The following PIP4P2 variants were observed in gnomAD, a reference collection of about 807,000 sequenced individuals.
The protein encoded by PIP4P2 is phosphatidylinositol-4,5-bisphosphate 4-phosphatase 2.
Under a neutral mutation model 33.3 loss-of-function variants are expected in PIP4P2, and 19 were observed. The ratio of observed to expected loss-of-function variants is 0.57; its 90% CI spans 0.40 to 0.84. The LOEUF is 0.84. Among genes scored for constraint, PIP4P2 ranks in the 40% least tolerant of loss-of-function variants. The pLI, the probability that PIP4P2 is intolerant of heterozygous loss-of-function variation, is 0.00. For missense variants in PIP4P2, 270 were observed against 324.7 expected (o/e 0.83, Z 1.29); for synonymous variants, 110 against 111.9 (o/e 0.98, Z 0.11).
chr8:91,020,162 G>A lies in PIP4P2; in HGVS notation c.357C>T (p.Pro119=). The A allele has an allele frequency of 6.2e-7, 1 of 1,613,150 alleles. No homozygotes were observed. Residue 119 remains proline, a synonymous_variant, in exon 3 of 7, where the codon CCC becomes CCT. Coordinates refer to ENST00000285419, the MANE Select transcript of PIP4P2 (RefSeq NM_018710.3). ...AATTAATCTTTATCTCTTACCAGTT[G>A]GGTCTTGGGCATCCTATTCGCCGAG... is the stretch of plus-strand genomic sequence containing the variant. The part of the protein sequence containing the change: ...DTSRRIGCPR[P]NCRRIINLGP...
At chr8:90,997,090 T>G (rs1811638603) in intron 5 of PIP4P2, among the ~76,000 whole-genome samples, 1 of 152,144 alleles carries the variant, frequency 6.6e-6, no homozygotes, top group South Asian at 2.1e-4. Flanking sequence ...AAATAGCATT[T>G]GATTTTTTTA....
At chr8:91,006,766 C>T (rs923905627) in intron 5 of PIP4P2, among the ~76,000 whole-genome samples, 9 of 152,028 alleles carry the variant, frequency 5.9e-5, no homozygotes, top group African/African-American at 1.7e-4. Context: ...GTCAGGAGTT[C>T]GAGACCAGCC....
chr8:91,024,264 C>A, intron 1 of PIP4P2: 1 of 417,554 alleles, frequency 2.4e-6, no homozygotes, highest in Non-Finnish European at 4.8e-6. Context: ...GTACTTTTGG[C>A]CTTTCCCTTT....
intron 5 of PIP4P2, among the ~76,000 whole-genome samples, chr8:91,003,019 G>C (rs1563561608): frequency 6.6e-6 from 1 of 152,178 alleles, no homozygotes; most frequent in Non-Finnish European, 1.5e-5. Context: ...TGGGCTGATA[G>C]TAAACCATAT....
Position 90,995,682 on chromosome 8 carries a change from CA to C in PIP4P2, c.768del (p.Phe256LeufsTer20). Reference protein sequence around the residue: ...AIRVSYPEHSFA With the variant: ...AIRVSYPEHSXA ...TTACTGAATCATAAACAAGCTTATG[CA>C]AAACTGTGTTCTGGATAACTGACTC... On this transcript the variant is annotated frameshift_variant, in exon 7 of 7. Coordinates refer to ENST00000285419, the MANE Select transcript of PIP4P2 (RefSeq NM_018710.3). LOFTEE classifies it high-confidence loss of function. 2 of 1,610,390 alleles carry C rather than the reference CA, an allele frequency of 1.2e-6. No homozygotes were observed. The highest frequency in any genetic ancestry group is 1.7e-6 in the Non-Finnish European group (2 of 1,178,562).
intron 1 of PIP4P2, among the ~76,000 whole-genome samples, chr8:91,025,261 C>T (rs1812067704): frequency 6.6e-6 from 1 of 152,020 alleles, no homozygotes; most frequent in Admixed American, 6.6e-5. Flanking sequence ...AAAACGGACT[C>T]ATAAAAGGGA....
chr8:91,036,194 G>A (rs1241790925), intron 1 of PIP4P2, among the ~76,000 whole-genome samples: 3 of 151,662 alleles, frequency 2.0e-5, no homozygotes, highest in Admixed American at 6.6e-5. Flanking sequence ...TATATATTCA[G>A]CCCAGGCCCC....
At chr8:91,003,376 G>A (rs947443663) in intron 5 of PIP4P2, among the ~76,000 whole-genome samples, 1 of 152,110 alleles carries the variant, frequency 6.6e-6, no homozygotes, top group African/African-American at 2.4e-5. Context: ...GAATTAAAAT[G>A]TCAAGGGACA....
intron 4 of PIP4P2, among the ~76,000 whole-genome samples, chr8:91,014,653 A>G (rs919145995): frequency 5.9e-5 from 9 of 151,992 alleles, no homozygotes; most frequent in Middle Eastern, 3.2e-3. Flanking sequence ...CAGGCTGAAT[A>G]ATTTCTGAAG....
At position 91,040,687 on chromosome 8, in the gene PIP4P2, G is replaced by C. The variant is rs959429327; in HGVS notation, c.63C>G (p.Val21=). ...GCAAGTACGGTGGGGCGGTGGGAGT[G>C]ACATTTCCGGAGTGGGATGCTGACA... is the stretch of plus-strand genomic sequence containing the variant. The part of the protein sequence containing the change: ...PLLSASHSGN[V]TPTAPPYLQE... Residue 21 remains valine (V), a synonymous_variant, in exon 1 of 7, where the codon GTC becomes GTG. Transcript: ENST00000285419. The C allele has an allele frequency of 6.2e-7, 1 of 1,613,374 alleles. No homozygotes were observed. Among genetic ancestry groups the C allele is most frequent in the Middle Eastern group, 1.8e-4 (1 of 5,472 alleles).
intron 1 of PIP4P2, among the ~76,000 whole-genome samples, chr8:91,032,723 G>A (rs1002394465): frequency 4.7e-5 from 7 of 149,068 alleles, no homozygotes; most frequent in South Asian, 2.1e-4. Context: ...AGGGGTTGCA[G>A]TGAGCCGAGA....
chr8:91,032,888 C>A (rs1586187128), intron 1 of PIP4P2, among the ~76,000 whole-genome samples: 1 of 151,858 alleles, frequency 6.6e-6, no homozygotes, highest in Admixed American at 6.6e-5. Context: ...CCATTTAGAT[C>A]ACTTCCCAGA....
rs1812294072 is a variant in PIP4P2, at chr8:91,040,688, A to G, written c.62T>C (p.Val21Ala). Residue 21 changes from valine to alanine, a missense_variant, in exon 1 of 7, where the codon GTC becomes GCC. Val to Ala is a moderately conservative substitution (Grantham distance 64, BLOSUM62 0). Coordinates refer to ENST00000285419, the MANE Select transcript of PIP4P2 (RefSeq NM_018710.3). Reference sequence around the variant, plus strand: ...CAAGTACGGTGGGGCGGTGGGAGTGACATTTCCGGAGTGGGATGCTGACAG... The same window carrying G: ...CAAGTACGGTGGGGCGGTGGGAGTGGCATTTCCGGAGTGGGATGCTGACAG... ...PLLSASHSGN[V>A]TPTAPPYLQE... 6.2e-7 allele frequency: 1 copy of G among 1,613,354 alleles called. No homozygotes were observed. The highest frequency in any genetic ancestry group is 1.3e-5 in the African/African-American group (1 of 75,008).
At chr8:91,031,936 T>C (rs558012426) in intron 1 of PIP4P2, among the ~76,000 whole-genome samples, 2 of 152,154 alleles carry the variant, frequency 1.3e-5, no homozygotes, top group Non-Finnish European at 2.9e-5. Context: ...GGTAAATTTA[T>C]AGATATATTT....
intron 5 of PIP4P2, 22 bp downstream of exon 5, chr8:91,008,721 T>C (rs1032335808): frequency 6.2e-6 from 10 of 1,605,828 alleles, no homozygotes; most frequent in African/African-American, 2.7e-5. Flanking sequence ...CTCAATAATA[T>C]TTCCAATGGT....
intron 5 of PIP4P2, among the ~76,000 whole-genome samples, chr8:91,002,944 A>C (rs1183246680): frequency 6.6e-6 from 1 of 152,186 alleles, no homozygotes; most frequent in African/African-American, 2.4e-5. Context: ...GAAAACAAAG[A>C]TATCCCTAGA....
intron 4 of PIP4P2, among the ~76,000 whole-genome samples, chr8:91,010,601 C>A (rs538315663): frequency 6.6e-6 from 1 of 152,030 alleles, no homozygotes; most frequent in South Asian, 2.1e-4. Context: ...CAAGTACTCA[C>A]TTAAACGGAG....
At chr8:91,002,858 CATA>C (rs1207921835) in intron 5 of PIP4P2, among the ~76,000 whole-genome samples, 1 of 152,060 alleles carries the variant, frequency 6.6e-6, no homozygotes, top group African/African-American at 2.4e-5. Context: ...AAAGAAACTG[CATA>C]ATATGTTTGT....
rs375650969 is a variant in PIP4P2, at chr8:91,020,263, G to T, written c.256C>A (p.Pro86Thr). The T allele has an allele frequency of 6.8e-6, 11 of 1,613,306 alleles. No homozygotes were observed. Among genetic ancestry groups the T allele is most frequent in the Non-Finnish European group, 8.5e-6 (10 of 1,179,594 alleles). ...TTGCCTGTTGGGGGGTTTTTGATTG[G>T]CTGGATAAGGGAAGAAAATGCAAAC... Reference protein sequence around the residue: ...VKCTVCNEATPIKNPPTGKKY... With the variant: ...VKCTVCNEATTIKNPPTGKKY... Residue 86 changes from proline to threonine, a missense_variant and splice_region_variant, in exon 3 of 7, where the codon CCA (proline) becomes ACA (threonine). Transcript: ENST00000285419.
Sources: allele counts gnomAD v4.1 joint callset (sites outside exome capture counted in the v4.1 genomes callset), GRCh38; gene constraint gnomAD v4.1.1; transcripts MANE v1.5; gene names NCBI Gene and HGNC (gene_info 2026-07-23, HGNC 2026-07-21).